Variants in ABHD2 observed in about 807,000 individuals in gnomAD.
ABHD2 encodes abhydrolase domain containing 2, acylglycerol lipase.
Under a neutral mutation model 48.1 loss-of-function variants are expected in ABHD2, and 20 were observed. The observed-to-expected ratio is 0.42, with a 90% CI of 0.29 to 0.60. ABHD2 has a LOEUF of 0.60. ABHD2 is among the 20% of genes least tolerant of loss of function. ABHD2 has a pLI of 0.24. For synonymous variants in ABHD2, 209 were observed against 214.2 expected, an observed-to-expected ratio of 0.98 and a Z score of 0.21; for missense variants, 405 against 550.9, an observed-to-expected ratio of 0.74 and a Z score of 2.65.
chr15:89,050,660 G>C, the ABHD2 span, among the ~76,000 whole-genome samples: 3 of 152,278 alleles, frequency 2.0e-5, no homozygotes, highest in Admixed American at 2.0e-4. Context: ...GCTGGGATGG[G>C]AGGTGGAGAG....
In ABHD2 at chr15:89,202,005, T is replaced by G; in HGVS notation, c.*6582T>G. The stretch of plus-strand genomic sequence containing the variant: ...TCCTGATTCTGATTTTGTTTTGTTT[T>G]GTTTGGGTTTTCTGAAACTTAAAAT... On this transcript the variant is annotated 3_prime_UTR_variant, in exon 11 of 11. Transcript: ENST00000352732. The G allele has an allele frequency of 2.2e-6, 1 of 445,906 alleles. No individual in the cohort carries two copies. Among genetic ancestry groups the G allele is most frequent in the East Asian group, 4.3e-5 (1 of 23,436 alleles). 27.6% of individuals were successfully genotyped at this position (445,906 alleles called of 1,614,324 possible). A position where few individuals can be genotyped will look rare whatever the true frequency, so the allele number is the denominator to read the frequency against.
At chr15:89,158,739 G>A (rs759320175) in intron 5 of ABHD2, among the ~76,000 whole-genome samples, 7 of 152,112 alleles carry the variant, frequency 4.6e-5, no homozygotes, top group Non-Finnish European at 8.8e-5. Context: ...TTGAGGCAGA[G>A]TCTCACTCTG....
rs1901471081 is a variant in ABHD2 at position 89,088,832 on chromosome 15, G to T, written c.-107+269G>T. ...AGGAACCGAGGTTGGGGACAACCCCGACCGCGGCCTTTCCCCCATTGGTGC... is the reference window on the plus strand; with the variant it reads ...AGGAACCGAGGTTGGGGACAACCCCTACCGCGGCCTTTCCCCCATTGGTGC... On this transcript the variant is annotated intron_variant, in intron 1 of 10. Coordinates refer to ENST00000352732, the MANE Select transcript of ABHD2 (RefSeq NM_152924.5). This position sits in a 1 kb window ranked among gnomAD's most constrained non-coding sequence, Gnocchi z 6.8. Among the ~76,000 whole-genome samples, 1 of 152,184 alleles carries T rather than the reference G, an allele frequency of 6.6e-6. No homozygotes were observed. The highest frequency in any genetic ancestry group is 1.5e-5 in the Non-Finnish European group (1 of 68,014).
intron 3 of ABHD2, among the ~76,000 whole-genome samples, chr15:89,143,194 C>T (rs1472803793): frequency 6.6e-6 from 1 of 152,178 alleles, no homozygotes; most frequent in African/African-American, 2.4e-5. Context: ...TTCAATTTTA[C>T]AGGTCTAAAT....
chr15:89,141,546 T>A (rs1303074621), intron 3 of ABHD2, among the ~76,000 whole-genome samples: 2 of 152,028 alleles, frequency 1.3e-5, no homozygotes, highest in Non-Finnish European at 2.9e-5. Context: ...GGTGCGAGAA[T>A]CGCTTGAACC....
chr15:89,083,750 T>C (rs1901314553), upstream of ABHD2, among the ~76,000 whole-genome samples: 1 of 152,212 alleles, frequency 6.6e-6, no homozygotes, highest in South Asian at 2.1e-4. The surrounding 1 kb of genome is among the most constrained non-coding windows in gnomAD (Gnocchi z 5.1). Flanking sequence ...TTTTTCATGA[T>C]CGTTTTCACT....
upstream of ABHD2, among the ~76,000 whole-genome samples, chr15:89,085,573 C>T (rs1420505010): frequency 6.6e-6 from 1 of 152,154 alleles, no homozygotes; most frequent in Non-Finnish European, 1.5e-5. This position sits in a 1 kb window ranked among gnomAD's most constrained non-coding sequence, Gnocchi z 4.2. Flanking sequence ...TTTTACTCTT[C>T]CTCCTCTTCC....
chr15:89,155,835 C>T lies in ABHD2; in HGVS notation c.538+301C>T, dbSNP rs193059398. On this transcript the variant is annotated intron_variant, in intron 5 of 10. Coordinates refer to ENST00000352732, the MANE Select transcript of ABHD2 (RefSeq NM_152924.5). This position sits in a 1 kb window ranked among gnomAD's most constrained non-coding sequence, Gnocchi z 4.9. The stretch of plus-strand genomic sequence containing the variant: ...CAGCAGGGCTGGGAGCCAGGTAGAT[C>T]GGGTAGCAGAGCTCATGACCTTCAG... 4.1e-3 allele frequency among the ~76,000 whole-genome samples: 623 copies of T among 152,194 alleles called. 1 individual carries two copies. Among genetic ancestry groups the T allele is most frequent in the Non-Finnish European group, 6.4e-3 (432 of 68,004 alleles).
chr15:89,134,382 A>G (rs2050269370), intron 3 of ABHD2, among the ~76,000 whole-genome samples: 1 of 152,124 alleles, frequency 6.6e-6, no homozygotes, highest in South Asian at 2.1e-4. Context: ...TTTGTCCAAC[A>G]CTATTAAACA....
At chr15:89,073,797 A>G in the ABHD2 span, among the ~76,000 whole-genome samples, 4 of 152,192 alleles carry the variant, frequency 2.6e-5, no homozygotes, top group African/African-American at 9.7e-5. Flanking sequence ...CTGAGTAGCA[A>G]GATTTCAGAG....
chr15:89,113,867 A>G (rs1194669210), intron 2 of ABHD2, 43 bp downstream of exon 2: 1 of 152,116 alleles, frequency 6.6e-6, no homozygotes, highest in Non-Finnish European at 1.5e-5. Context: ...TCCTCCCCTT[A>G]TGTTAGGAAG....
rs567494125 is a variant in ABHD2, at chr15:89,106,804, A to G, written c.-106-6921A>G. On this transcript the variant is annotated intron_variant, in intron 1 of 10. Transcript: ENST00000352732. This position sits in a 1 kb window ranked among gnomAD's most constrained non-coding sequence, Gnocchi z 4.2. ...AGCAAGTTCAATAGTGACCCTCCAA[A>G]ATTTATGTCCCATCTGAAACCAGTG... Among the ~76,000 whole-genome samples, 4 of 152,170 alleles carry G rather than the reference A, an allele frequency of 2.6e-5. No homozygotes were observed. The East Asian group carries it at 5.8e-4, about 22-fold the overall frequency.
chr15:89,059,850 T>C, the ABHD2 span, among the ~76,000 whole-genome samples: 4 of 152,130 alleles, frequency 2.6e-5, no homozygotes, highest in African/African-American at 9.7e-5. Context: ...GCAGGGTCCG[T>C]GGCCGAAGGA....
the ABHD2 span, among the ~76,000 whole-genome samples, chr15:89,042,697 A>T: frequency 6.7e-6 from 1 of 149,834 alleles, no homozygotes. Flanking sequence ...CCCAGACTGG[A>T]GTACAGTGGG....
intron 3 of ABHD2, among the ~76,000 whole-genome samples, chr15:89,133,868 G>A (rs537884547): frequency 6.2e-4 from 81 of 130,316 alleles, no homozygotes; most frequent in Middle Eastern, 5.0e-3. Context: ...ACAGAGTCTC[G>A]CTCTGTCACC....
At chr15:89,144,068 A>C (rs894531044) in intron 3 of ABHD2, among the ~76,000 whole-genome samples, 11 of 152,232 alleles carry the variant, frequency 7.2e-5, no homozygotes, top group Non-Finnish European at 1.2e-4. Context: ...GTTCAAACAA[A>C]AGCCTGTACA....
chr15:89,193,478 G>A (rs1230046729), intron 10 of ABHD2, 159 bp downstream of exon 10: 7 of 643,792 alleles, frequency 1.1e-5, no homozygotes, highest in South Asian at 7.4e-5. Context: ...GATAGTCCTC[G>A]GGCTGTGATG....
At chr15:89,053,139 T>G in the ABHD2 span, among the ~76,000 whole-genome samples, 1 of 152,050 alleles carries the variant, frequency 6.6e-6, no homozygotes, top group African/African-American at 2.4e-5. Context: ...GCCAATTTTT[T>G]GTATTTTTAG....
rs962807548 is a variant in ABHD2 at position 89,177,758 on chromosome 15, A to G, written c.722+1763A>G. ...TCATAGCCACGTGTAACCAGAATTA[A>G]CCAAAGTCCTGTCGGGCCCAGTCAC... On this transcript the variant is annotated intron_variant, in intron 6 of 10. Transcript: ENST00000352732. The surrounding 1 kb of genome is among the most constrained non-coding windows in gnomAD (Gnocchi z 5.6). 6.6e-6 allele frequency among the ~76,000 whole-genome samples: 1 copy of G among 151,914 alleles called. No individual in the cohort carries two copies. The highest frequency in any genetic ancestry group is 1.9e-4 in the East Asian group (1 of 5,192).
Sources: allele counts gnomAD v4.1 joint callset (sites outside exome capture counted in the v4.1 genomes callset), GRCh38; gene constraint gnomAD v4.1.1; non-coding constraint Gnocchi (gnomAD v3.1); transcripts MANE v1.5; gene names NCBI Gene and HGNC (gene_info 2026-07-23, HGNC 2026-07-21).